Variants in LRP1B observed in about 807,000 individuals in gnomAD.
LRP1B encodes LDL receptor related protein 1B.
A neutral mutation model predicts 556.6 loss-of-function variants in LRP1B; 217 were observed. The observed-to-expected ratio is 0.39, with a 90% CI of 0.35 to 0.44. The LOEUF (loss-of-function observed/expected upper bound fraction) is 0.44, where lower values mean the gene tolerates loss of function less well. Among genes scored for constraint, LRP1B ranks in the 20% least tolerant of loss-of-function variants. The pLI is 1.00. For synonymous variants in LRP1B, 2,047 were observed against 1,865.8 expected (o/e 1.10, Z -2.50); for missense variants, 5,053 against 5,620.8 (o/e 0.90, Z 3.23).
At chr2:141,542,463 A>C (rs1056863609) in intron 2 of LRP1B, among the ~76,000 whole-genome samples, 3 of 152,064 alleles carry the variant, frequency 2.0e-5, no homozygotes, top group African/African-American at 7.2e-5. Context: ...ACTTCTTCTC[A>C]TATAATGTTT....
In LRP1B at chr2:141,139,452, C is replaced by T. The variant is rs116054821; in HGVS notation, c.1013+48969G>A. Among the ~76,000 whole-genome samples, 501 of 151,472 alleles carry T rather than the reference C, an allele frequency of 3.3e-3. 7 individuals are homozygous for T. Among genetic ancestry groups the T allele is most frequent in the African/African-American group, 0.011 (475 of 41,388 alleles). Reference sequence around the variant, plus strand: ...AAAAAAATCTTTATAAGGCTTTTATCTGATAAAATATTGGTGTATACTATA... The same window carrying T: ...AAAAAAATCTTTATAAGGCTTTTATTTGATAAAATATTGGTGTATACTATA... On this transcript the variant is annotated intron_variant, in intron 7 of 90. Coordinates refer to ENST00000389484, the MANE Select transcript of LRP1B (RefSeq NM_018557.3).
At chr2:141,709,875 G>C (rs1363372099) in intron 2 of LRP1B, among the ~76,000 whole-genome samples, 1 of 152,098 alleles carries the variant, frequency 6.6e-6, no homozygotes, top group African/African-American at 2.4e-5. Context: ...CAGATCTGGA[G>C]GCTGGAAGTG....
At chr2:142,030,267 T>C (rs1703643730) in intron 1 of LRP1B, among the ~76,000 whole-genome samples, 1 of 151,932 alleles carries the variant, frequency 6.6e-6, no homozygotes, top group Non-Finnish European at 1.5e-5. Context: ...TATAAAAGGA[T>C]GAGTCATTAA....
chr2:142,031,779 T>C (rs989665822), intron 1 of LRP1B, among the ~76,000 whole-genome samples: 1 of 151,682 alleles, frequency 6.6e-6, no homozygotes, highest in African/African-American at 2.4e-5. Context: ...TAATCCCCAG[T>C]CTCTCAGAAT....
At chr2:140,776,318 A>G (rs1689497050) in intron 32 of LRP1B, 80 bp from the exon 33 acceptor site, 1 of 884,808 alleles carries the variant, frequency 1.1e-6, no homozygotes, top group Non-Finnish European at 1.6e-6. Context: ...AAACTATAAT[A>G]CTCTCTGATT....
intron 6 of LRP1B, among the ~76,000 whole-genome samples, chr2:141,207,794 G>A (rs1244448258): frequency 1.3e-5 from 2 of 152,152 alleles, no homozygotes; most frequent in African/African-American, 2.4e-5. Flanking sequence ...TCCTGCCTCA[G>A]CCTCCCGAGT....
chr2:141,530,687 T>C (rs536372858), intron 2 of LRP1B, among the ~76,000 whole-genome samples: 2 of 152,128 alleles, frequency 1.3e-5, no homozygotes, highest in African/African-American at 4.8e-5. Context: ...TTAGATAAGA[T>C]TATCAGAAAA....
At chr2:140,878,221 C>T (rs10204756) in intron 25 of LRP1B, among the ~76,000 whole-genome samples, 127,084 of 151,656 alleles carry the variant, frequency 0.84, 53,640 homozygotes, top group Non-Finnish European at 0.89. Context: ...AATAAAAGTT[C>T]AAAAGTGTAA....
chr2:140,844,493 G>C lies in LRP1B; in HGVS notation c.4940-3401C>G, dbSNP rs189875006. 1.0e-3 allele frequency among the ~76,000 whole-genome samples: 155 copies of C among 152,078 alleles called. 1 individual carries two copies. Among genetic ancestry groups the C allele is most frequent in the African/African-American group, 3.6e-3 (149 of 41,466 alleles). ...TCACTAATTCCCACATCTGGTTGTTGCAGAGTGCTCTGGTAAACTCATCAT... is the reference window on the plus strand; with the variant it reads ...TCACTAATTCCCACATCTGGTTGTTCCAGAGTGCTCTGGTAAACTCATCAT... On this transcript the variant is annotated intron_variant, in intron 29 of 90. Coordinates refer to ENST00000389484, the MANE Select transcript of LRP1B (RefSeq NM_018557.3).
At chr2:140,600,907 C>A (rs1682640283) in intron 42 of LRP1B, among the ~76,000 whole-genome samples, 1 of 149,944 alleles carries the variant, frequency 6.7e-6, no homozygotes, top group South Asian at 2.1e-4. Flanking sequence ...TTTTTACAAG[C>A]ATTATTTTAG....
intron 1 of LRP1B, among the ~76,000 whole-genome samples, chr2:142,038,716 T>C (rs375695783): frequency 6.6e-6 from 1 of 151,552 alleles, no homozygotes; most frequent in Admixed American, 6.6e-5. Context: ...CCATCTATTA[T>C]CCTTTGTAAC....
intron 43 of LRP1B, among the ~76,000 whole-genome samples, chr2:140,571,893 T>C (rs1419634409): frequency 6.6e-6 from 1 of 151,668 alleles, no homozygotes; most frequent in Non-Finnish European, 1.5e-5. Flanking sequence ...AGAATATTGA[T>C]TGGGGATAGT....
intron 26 of LRP1B, 95 bp from the exon 27 acceptor site, chr2:140,867,929 T>G: frequency 7.3e-7 from 1 of 1,370,346 alleles, no homozygotes; most frequent in Non-Finnish European, 9.8e-7. Context: ...AAAAAAGGTA[T>G]TTTATAAATA....
At chr2:142,013,118 G>C (rs531091977) in intron 1 of LRP1B, among the ~76,000 whole-genome samples, 1 of 152,024 alleles carries the variant, frequency 6.6e-6, no homozygotes, top group Non-Finnish European at 1.5e-5. Context: ...AGAATACTGA[G>C]GCTTTGAATG....
chr2:140,461,290 G>A (rs959977789), intron 60 of LRP1B, among the ~76,000 whole-genome samples: 38 of 151,972 alleles, frequency 2.5e-4, no homozygotes, highest in Admixed American at 1.6e-3. Context: ...CTTAAGAAAC[G>A]AATGCCCCAG....
In LRP1B at chr2:142,104,940, C is replaced by T. The variant is rs78849732; in HGVS notation, c.82+25708G>A. Among the ~76,000 whole-genome samples the T allele has an allele frequency of 5.3e-3, 813 of 152,244 alleles. 8 individuals carry two copies. The highest frequency in any genetic ancestry group is 0.018 in the African/African-American group (748 of 41,546). ...TATTCATCTGTCTCAAATGTCCTAACATGTTCCAGACACTACACATCAGAT... is the reference window on the plus strand; with the variant it reads ...TATTCATCTGTCTCAAATGTCCTAATATGTTCCAGACACTACACATCAGAT... On this transcript the variant is annotated intron_variant, in intron 1 of 90. Coordinates refer to ENST00000389484, the MANE Select transcript of LRP1B (RefSeq NM_018557.3).
chr2:142,084,737 G>T (rs926838522), intron 1 of LRP1B, among the ~76,000 whole-genome samples: 12 of 151,992 alleles, frequency 7.9e-5, no homozygotes, highest in African/African-American at 2.7e-4. Context: ...TGGTCCCTTC[G>T]CCAATTTTGC....
At chr2:141,202,735 G>A (rs1340963501) in intron 6 of LRP1B, among the ~76,000 whole-genome samples, 3 of 69,098 alleles carry the variant, frequency 4.3e-5, no homozygotes, top group African/African-American at 7.1e-5. Context: ...GTCTGTTCAT[G>A]TTTTTGCCCA....
Position 141,074,569 on chromosome 2 carries a change from G to GTCTC in LRP1B, c.1014-12300_1014-12297dup, listed in dbSNP as rs368177753. On this transcript the variant is annotated intron_variant, in intron 7 of 90. Transcript: ENST00000389484. ...AAGTTCTTTCTCTTTCTGTCTCTCT[G>GTCTC]TCTCTCTCTCTCTCTCTCTCTATAT... 5.3e-3 allele frequency among the ~76,000 whole-genome samples: 723 copies of GTCTC among 136,288 alleles called. 17 individuals are homozygous for GTCTC. The East Asian group carries it at 0.071, about 13-fold the overall frequency. The allele number at this position is 136,288 out of a possible 152,430, so 89.4% of individuals were successfully genotyped here. A position where few individuals can be genotyped will look rare whatever the true frequency, so the allele number is the denominator to read the frequency against.
Sources: gnomAD v4.1 joint callset for allele counts (sites outside exome capture counted in the v4.1 genomes callset) on GRCh38, gnomAD v4.1.1 for gene constraint, MANE v1.5 for transcripts, NCBI Gene and HGNC (gene_info 2026-07-23, HGNC 2026-07-21) for gene names.